Variants in CHD9 observed in about 807,000 individuals in gnomAD.
CHD9 encodes chromodomain helicase DNA binding protein 9.
A neutral mutation model predicts 316.1 loss-of-function variants in CHD9; 77 were observed. That is an observed-to-expected ratio of 0.24 (90% CI 0.20 to 0.29). The LOEUF is 0.29. CHD9 is among the 10% of genes least tolerant of loss of function. CHD9 has a pLI of 1.00. For missense variants in CHD9, 2,763 were observed against 3,438.1 expected (o/e 0.80, Z 4.91); for synonymous variants, 1,129 against 1,158.3 (o/e 0.97, Z 0.51).
rs8053957 is a variant in CHD9, at chr16:53,209,351, G to T, written c.1453-131G>T. The T allele has an allele frequency of 0.28, 179,905 of 639,064 alleles. 25,871 individuals are homozygous for T. The highest frequency in any genetic ancestry group is 0.33 in the Middle Eastern group (763 of 2,330). 39.6% of individuals were successfully genotyped at this position (639,064 alleles called of 1,614,324 possible). Reference sequence around the variant, plus strand: ...TTGATAAGCAAAATGTTTTAAATTTGTTTGTAGCACTCACATATTTGCTAA... The same window carrying T: ...TTGATAAGCAAAATGTTTTAAATTTTTTTGTAGCACTCACATATTTGCTAA... On this transcript the variant is annotated intron_variant, in intron 2 of 38. Transcript: ENST00000447540.
At chr16:53,188,405 A>G (rs548635876) in intron 2 of CHD9, among the ~76,000 whole-genome samples, 1 of 152,186 alleles carries the variant, frequency 6.6e-6, no homozygotes, top group South Asian at 2.1e-4. Context: ...ATTTTTCCAG[A>G]GCAGCTGTAC....
chr16:53,179,726 A>C (rs1246823562), intron 2 of CHD9, among the ~76,000 whole-genome samples: 2 of 151,866 alleles, frequency 1.3e-5, no homozygotes. Context: ...GTGAAACCCC[A>C]TCTCTACTAA....
intron 3 of CHD9, among the ~76,000 whole-genome samples, chr16:53,215,956 A>G (rs76049132): frequency 0.032 from 4,921 of 152,268 alleles, 99 homozygotes; most frequent in Middle Eastern, 0.071. Flanking sequence ...GCTGTCAGAA[A>G]CATCCTATGT....
Position 53,291,767 on chromosome 16 carries a change from G to A in CHD9, c.5290G>A (p.Asp1764Asn). ...AGGAGATCTTGTTATAGCAGATGGA[G>A]GTAAATTGCACGTACTTCTGTACTT... ...SPGDLVIADG[D>N]GQLMEGDKVY... The change falls in exon 28 of 39, where the codon GAT becomes AAT. Residue 1764 changes from aspartate to asparagine, a missense_variant and splice_region_variant. Asp to Asn is a conservative substitution (Grantham distance 23). This residue lies in a region of CHD9 where 183 missense variants were observed against 258.5 expected (regional missense o/e 0.71). Transcript: ENST00000447540. The A allele has an allele frequency of 6.5e-7, 1 of 1,549,094 alleles. No individual in the cohort carries two copies. Among genetic ancestry groups the A allele is most frequent in the Non-Finnish European group, 8.7e-7 (1 of 1,150,060 alleles).
intron 1 of CHD9, among the ~76,000 whole-genome samples, chr16:53,101,271 T>A (rs893856062): frequency 1.4e-5 from 2 of 141,584 alleles, no homozygotes; most frequent in African/African-American, 5.1e-5. Context: ...TTTTTTCCTT[T>A]TCTTTTTTTT....
intron 1 of CHD9, among the ~76,000 whole-genome samples, chr16:53,142,188 C>G (rs2040173698): frequency 6.6e-6 from 1 of 152,082 alleles, no homozygotes; most frequent in East Asian, 1.9e-4. Flanking sequence ...GAATCTTAAT[C>G]TGTGTTTTTA....
chr16:53,110,315 G>T (rs2037763628), intron 1 of CHD9, among the ~76,000 whole-genome samples: 1 of 152,188 alleles, frequency 6.6e-6, no homozygotes, highest in Admixed American at 6.5e-5. Flanking sequence ...TTCTTGGCTG[G>T]GTGCAGTGCC....
intron 2 of CHD9, among the ~76,000 whole-genome samples, chr16:53,182,163 C>G (rs775257130): frequency 2.9e-4 from 44 of 152,252 alleles, no homozygotes; most frequent in African/African-American, 1.0e-3. Context: ...TTTGCTTTTA[C>G]TGCAGAACAA....
intron 12 of CHD9, among the ~76,000 whole-genome samples, 166 bp from the exon 13 acceptor site, chr16:53,242,674 A>G (rs1217225949): frequency 1.3e-5 from 2 of 152,226 alleles, no homozygotes; most frequent in South Asian, 2.1e-4. Flanking sequence ...ACACGGCAAT[A>G]TAATACAGTT....
In CHD9 at chr16:53,157,444, C is replaced by T. The variant is rs1456938276; in HGVS notation, c.1355C>T (p.Ala452Val). 1.2e-6 allele frequency: 2 copies of T among 1,613,884 alleles called. No homozygotes were observed. The highest frequency in any genetic ancestry group is 1.7e-6 in the Non-Finnish European group (2 of 1,179,900). The change falls in exon 2 of 39, where the codon GCT becomes GTT. Residue 452 changes from alanine to valine, a missense_variant. By Grantham distance (64) the Ala-to-Val change is moderately conservative (BLOSUM62 0). Around this residue, in one of 15 missense-constraint regions of CHD9, gnomAD observed 859 missense variants for 890.4 expected, o/e 0.96. Coordinates refer to ENST00000447540, the MANE Select transcript of CHD9 (RefSeq NM_001308319.2). ...SHLVTRPSDM[A>V]QTQLQSQARS... ...CTGGTAACACGGCCTTCTGATATGG[C>T]TCAGACTCAGTTGCAAAGTCAGGCT...
intron 1 of CHD9, among the ~76,000 whole-genome samples, chr16:53,149,999 C>T (rs2040966152): frequency 6.6e-6 from 1 of 151,910 alleles, no homozygotes. Flanking sequence ...TAGAGGGAAC[C>T]TCTTGTAAAC....
At chr16:53,169,691 AT>A (rs1312216372) in intron 2 of CHD9, among the ~76,000 whole-genome samples, 3 of 152,186 alleles carry the variant, frequency 2.0e-5, no homozygotes, top group Non-Finnish European at 4.4e-5. Context: ...GCCCCTAAAT[AT>A]TTTAACATGA....
chr16:53,061,825 A>G (rs1567300754), intron 1 of CHD9, among the ~76,000 whole-genome samples: 1 of 152,172 alleles, frequency 6.6e-6, no homozygotes, highest in Admixed American at 6.5e-5. Context: ...TGAGCTGAGG[A>G]GTATGGGTGG....
chr16:53,101,029 A>C (rs1261360879), intron 1 of CHD9, among the ~76,000 whole-genome samples: 1 of 152,168 alleles, frequency 6.6e-6, no homozygotes, highest in Non-Finnish European at 1.5e-5. Context: ...CACTGTGCTC[A>C]TGATAGAAGA....
At chr16:53,278,595 A>C (rs1014051773) in intron 24 of CHD9, among the ~76,000 whole-genome samples, 6 of 152,354 alleles carry the variant, frequency 3.9e-5, no homozygotes, top group African/African-American at 1.4e-4. Flanking sequence ...CACCTTATAC[A>C]AAAATGCAAT....
chr16:53,273,551 T>C lies in CHD9; in HGVS notation c.4718-75T>C, dbSNP rs1330075531. 6 of 1,129,482 alleles carry C rather than the reference T, an allele frequency of 5.3e-6. No homozygotes were observed. In the African/African-American group the frequency reaches 6.3e-5, roughly 12 times the overall value. 70.0% of individuals were successfully genotyped at this position (1,129,482 alleles called of 1,614,324 possible). ...ACCTCAGAAAGTCTCCAGAAATTTC[T>C]TGCATTGAAACAATCTTTCAGATTG... On this transcript the variant is annotated intron_variant, in intron 22 of 38. Transcript: ENST00000447540.
chr16:53,187,854 T>C (rs888047244), intron 2 of CHD9, among the ~76,000 whole-genome samples: 6 of 152,196 alleles, frequency 3.9e-5, no homozygotes, highest in African/African-American at 1.4e-4. Context: ...ATATCAGCTA[T>C]AGTCTACTGT....
At chr16:53,138,769 A>G (rs773391498) in intron 1 of CHD9, among the ~76,000 whole-genome samples, 1 of 152,246 alleles carries the variant, frequency 6.6e-6, no homozygotes, top group Non-Finnish European at 1.5e-5. Flanking sequence ...GAAAGTACAC[A>G]TTTATGGGGA....
chr16:53,153,986 T>C (rs1183507641), intron 1 of CHD9, among the ~76,000 whole-genome samples: 1 of 152,196 alleles, frequency 6.6e-6, no homozygotes, highest in Non-Finnish European at 1.5e-5. Context: ...GATCAAATAA[T>C]GAATATACAA....
Sources: allele counts gnomAD v4.1 joint callset (sites outside exome capture counted in the v4.1 genomes callset), GRCh38; gene constraint gnomAD v4.1.1; regional missense constraint gnomAD v4.1.1; transcripts MANE v1.5; gene names NCBI Gene and HGNC (gene_info 2026-07-23, HGNC 2026-07-21).